Variants in CUX1 observed in about 807,000 individuals in gnomAD.
CUX1 encodes the protein cut like homeobox 1.
In CUX1, 31 loss-of-function variants were observed where a neutral mutation model predicts 158.8. The observed-to-expected ratio is 0.20, with a 90% confidence interval of 0.15 to 0.26. The LOEUF is 0.26. CUX1 is among the 10% of genes least tolerant of loss of function. The pLI is 1.00. For synonymous variants in CUX1, 879 were observed against 862.1 expected, an observed-to-expected ratio of 1.02 and a Z score of -0.34; for missense variants, 1,589 against 2,014.6, an observed-to-expected ratio of 0.79 and a Z score of 4.04.
rs574572440 is a variant in CUX1 at position 102,252,152 on chromosome 7, T to C, written c.*3110T>C. On this transcript the variant is annotated 3_prime_UTR_variant, in exon 24 of 24. Transcript: ENST00000292535. ...TTAAAAAAAATAGAGATCCTAACCT[T>C]AGATCTTTGATGTGAAGCTAGCACT... is the stretch of plus-strand genomic sequence containing the variant. The C allele has an allele frequency of 1.0e-6, 1 of 985,140 alleles. No individual in the cohort carries two copies. The highest frequency in any genetic ancestry group is 1.7e-5 in the African/African-American group (1 of 57,214). The allele number at this position is 985,140 out of a possible 1,614,324, so 61.0% of individuals were successfully genotyped here.
At chr7:102,243,722 C>T (rs1208494464) in intron 23 of CUX1, among the ~76,000 whole-genome samples, 2 of 150,158 alleles carry the variant, frequency 1.3e-5, no homozygotes, top group African/African-American at 4.9e-5. Context: ...AGCATGAAGT[C>T]GCTTGTCTAA....
intron 2 of CUX1, among the ~76,000 whole-genome samples, chr7:101,927,963 G>A (rs879135148): frequency 2.0e-5 from 3 of 152,074 alleles, no homozygotes; most frequent in African/African-American, 7.2e-5. Context: ...GTCTGCCCCC[G>A]CCCCTTGCTG....
At chr7:102,084,858 C>CTTTTTTTTTTTTTTTTTT (rs60908109) in intron 4 of CUX1, among the ~76,000 whole-genome samples, 1 of 56,048 alleles carries the variant, frequency 1.8e-5, no homozygotes, top group Non-Finnish European at 3.3e-5. Context: ...ATTTTCCTTG[C>CTTTTTTTTTTTTTTTTTT]TTTTTTTTTT....
At chr7:102,205,320 C>A (rs1795839880) in intron 20 of CUX1, 150 bp downstream of exon 20, 1 of 644,518 alleles carries the variant, frequency 1.6e-6, no homozygotes, top group Non-Finnish European at 2.8e-6. Flanking sequence ...CAAACGGGGT[C>A]CCTCTCTGTG....
At chr7:102,067,143 C>T (rs1221940466) in intron 3 of CUX1, among the ~76,000 whole-genome samples, 2 of 151,904 alleles carry the variant, frequency 1.3e-5, no homozygotes, top group Non-Finnish European at 2.9e-5. Flanking sequence ...ACCAGCCCCT[C>T]CTTCCCACCC....
intron 3 of CUX1, among the ~76,000 whole-genome samples, chr7:102,051,020 A>T (rs573759922): frequency 2.6e-5 from 4 of 152,174 alleles, no homozygotes; most frequent in Admixed American, 2.6e-4. Context: ...CCTGATTGAC[A>T]TCCTCAGGGA....
Position 102,255,375 on chromosome 7 carries a change from C to T in CUX1, c.*6333C>T, listed in dbSNP as rs1789781183. 3 of 915,094 alleles carry T rather than the reference C, an allele frequency of 3.3e-6. No homozygotes were observed. The highest frequency in any genetic ancestry group is 1.4e-4 in the Admixed American group (1 of 7,074). The allele number at this position is 915,094 out of a possible 1,614,324, so 56.7% of individuals were successfully genotyped here. A position where few individuals can be genotyped will look rare whatever the true frequency, so the allele number is the denominator to read the frequency against. ...AACTTTAAAAGTTGGGCATTGTAGG[C>T]GAAAAATCCCAAAAAAAAAAAAAGA... On this transcript the variant is annotated 3_prime_UTR_variant, in exon 24 of 24. Coordinates refer to ENST00000292535, the MANE Select transcript of CUX1 (RefSeq NM_181552.4).
upstream of CUX1, chr7:101,816,017 C>A: frequency 7.0e-7 from 1 of 1,419,628 alleles, no homozygotes. Context: ...CACTCCGTCT[C>A]AATATGTCTC....
At chr7:101,882,477 T>C (rs1799816198) in intron 1 of CUX1, among the ~76,000 whole-genome samples, 1 of 152,020 alleles carries the variant, frequency 6.6e-6, no homozygotes, top group East Asian at 1.9e-4. Flanking sequence ...GTGACTTAGG[T>C]GTAGAAATTA....
At chr7:101,904,568 A>AT (rs34284019) in intron 1 of CUX1, among the ~76,000 whole-genome samples, 1,573 of 139,322 alleles carry the variant, frequency 0.011, 21 homozygotes, top group African/African-American at 0.027. Flanking sequence ...CATTTTGAGA[A>AT]TTTTTTTTTT....
chr7:101,853,051 AT>A (rs2131285345), intron 1 of CUX1, among the ~76,000 whole-genome samples: 1 of 152,294 alleles, frequency 6.6e-6, no homozygotes, highest in South Asian at 2.1e-4. Flanking sequence ...CATACCATGC[AT>A]TTTGGTTGCA....
chr7:102,071,878 T>G (rs1826175168), intron 4 of CUX1, among the ~76,000 whole-genome samples: 1 of 152,202 alleles, frequency 6.6e-6, no homozygotes, highest in Non-Finnish European at 1.5e-5. Context: ...GGGAACAGCC[T>G]AATCGTAGAG....
intron 3 of CUX1, among the ~76,000 whole-genome samples, chr7:102,059,339 CTT>C (rs979967900): frequency 2.0e-5 from 3 of 152,106 alleles, no homozygotes; most frequent in African/African-American, 7.2e-5. Flanking sequence ...CTCTTAGAAA[CTT>C]TACTAAGTGG....
chr7:101,939,920 A>G (rs1380837805), intron 2 of CUX1, among the ~76,000 whole-genome samples: 1 of 152,114 alleles, frequency 6.6e-6, no homozygotes, highest in African/African-American at 2.4e-5. Context: ...ATCTCTACTA[A>G]AAAGACAAAA....
chr7:101,893,394 CAA>C, intron 1 of CUX1, among the ~76,000 whole-genome samples: 1 of 152,090 alleles, frequency 6.6e-6, no homozygotes, highest in Non-Finnish European at 1.5e-5. Context: ...ATCTAGGAAA[CAA>C]AACTGCACGT....
chr7:102,126,176 G>A (rs1228885012), intron 8 of CUX1, among the ~76,000 whole-genome samples: 1 of 70,986 alleles, frequency 1.4e-5, no homozygotes, highest in African/African-American at 5.4e-5. Context: ...ACCATTTCCG[G>A]CTGTGTGTGT....
chr7:101,909,711 G>T (rs1803201456), intron 1 of CUX1, among the ~76,000 whole-genome samples: 1 of 152,184 alleles, frequency 6.6e-6, no homozygotes, highest in African/African-American at 2.4e-5. Flanking sequence ...AATAAAACAA[G>T]AATACTTGTG....
chr7:101,984,131 C>CATATATATATATATATATATATATAT (rs1440848840), intron 2 of CUX1, among the ~76,000 whole-genome samples: 1 of 25,700 alleles, frequency 3.9e-5, no homozygotes, highest in African/African-American at 1.4e-4. Flanking sequence ...TATATATATA[C>CATATATATATATATATATATATATAT]ACACACACAT....
intron 2 of CUX1, among the ~76,000 whole-genome samples, chr7:101,985,652 A>G (rs1282268472): frequency 1.3e-5 from 2 of 152,214 alleles, no homozygotes; most frequent in Non-Finnish European, 2.9e-5. Flanking sequence ...AAATTCCCAC[A>G]TCTCAGTTTC....
Sources: allele counts gnomAD v4.1 joint callset (sites outside exome capture counted in the v4.1 genomes callset), GRCh38; gene constraint gnomAD v4.1.1; transcripts MANE v1.5; gene names NCBI Gene and HGNC (gene_info 2026-07-23, HGNC 2026-07-21).